The following EPC2 variants were observed in gnomAD, a reference collection of about 807,000 sequenced individuals.
EPC2 encodes enhancer of polycomb homolog 2.
Under a neutral mutation model 92.1 loss-of-function variants are expected in EPC2, and 14 were observed. That is an observed-to-expected ratio of 0.15 (90% CI 0.10 to 0.24). The LOEUF is 0.24. EPC2 is among the 10% of genes least tolerant of loss of function. The pLI is 1.00. For missense variants in EPC2, 755 were observed against 971.5 expected, an observed-to-expected ratio of 0.78 and a Z score of 2.96; for synonymous variants, 340 against 334.7, an observed-to-expected ratio of 1.02 and a Z score of -0.17.
chr2:148,680,392 A>G (rs1311571917), intron 1 of EPC2, among the ~76,000 whole-genome samples: 2 of 152,214 alleles, frequency 1.3e-5, no homozygotes, highest in African/African-American at 2.4e-5. Context: ...CAATAACAGG[A>G]TAATATCCGG....
intron 3 of EPC2, among the ~76,000 whole-genome samples, chr2:148,751,670 A>G (rs1447177613): frequency 6.6e-6 from 1 of 152,058 alleles, no homozygotes; most frequent in African/African-American, 2.4e-5. Context: ...TTTATACTGT[A>G]TAAAAATAGT....
Position 148,765,029 on chromosome 2 carries a change from T to C in EPC2, c.1023T>C (p.Pro341=), listed in dbSNP as rs1370788939. ...AAAAGAAGAAGTACCCAAAGAAGCC[T>C]AAAGCAGAGGCTTTGATAACATCTC... is the stretch of plus-strand genomic sequence containing the variant. The part of the protein sequence containing the change: ...VRQKKKYPKK[P]KAEALITSQQ... Residue 341 remains proline, a synonymous_variant, in exon 7 of 14, where the codon CCT becomes CCC. Transcript: ENST00000258484. 6.2e-7 allele frequency: 1 copy of C among 1,608,624 alleles called. No individual in the cohort carries two copies. The highest frequency in any genetic ancestry group is 1.7e-5 in the Admixed American group (1 of 59,500).
chr2:148,773,461 A>C (rs1558836670), intron 10 of EPC2, among the ~76,000 whole-genome samples: 1 of 152,094 alleles, frequency 6.6e-6, no homozygotes, highest in African/African-American at 2.4e-5. Context: ...TTCCCTTAAA[A>C]AATTTTAAGG....
At chr2:148,715,318 C>A (rs1383432586) in intron 2 of EPC2, among the ~76,000 whole-genome samples, 6 of 152,152 alleles carry the variant, frequency 3.9e-5, no homozygotes, top group Admixed American at 1.3e-4. Flanking sequence ...CAGGCGAGAG[C>A]CACTGCGCCC....
At chr2:148,784,152 C>T (rs1683813227) in intron 12 of EPC2, among the ~76,000 whole-genome samples, 2 of 152,220 alleles carry the variant, frequency 1.3e-5, no homozygotes, top group Non-Finnish European at 2.9e-5. Flanking sequence ...TTACATACTG[C>T]TCATAGGCAT....
chr2:148,732,253 C>T (rs78263383), intron 2 of EPC2, among the ~76,000 whole-genome samples: 5,822 of 152,202 alleles, frequency 0.038, 150 homozygotes, highest in Middle Eastern at 0.054. Context: ...GAGAGGTGCA[C>T]CCGCGGTCTT....
intron 2 of EPC2, among the ~76,000 whole-genome samples, chr2:148,739,607 A>T (rs1042148006): frequency 6.6e-6 from 1 of 152,144 alleles, no homozygotes; most frequent in African/African-American, 2.4e-5. Context: ...TGCTTTATAT[A>T]TTCAAACAGC....
chr2:148,763,863 T>G (rs1683353167), intron 6 of EPC2, among the ~76,000 whole-genome samples: 1 of 152,214 alleles, frequency 6.6e-6, no homozygotes, highest in Non-Finnish European at 1.5e-5. Flanking sequence ...ATGAAAATCT[T>G]AACCCAGAAT....
chr2:148,768,558 C>T (rs952177363), intron 7 of EPC2, among the ~76,000 whole-genome samples: 1 of 152,156 alleles, frequency 6.6e-6, no homozygotes, highest in African/African-American at 2.4e-5. Context: ...CTTACTTTAG[C>T]AAGTCATTTC....
In EPC2 at chr2:148,724,852, G is replaced by T. The variant is rs181515518; in HGVS notation, c.314-18770G>T. Among the ~76,000 whole-genome samples, 12 of 152,178 alleles carry T rather than the reference G, an allele frequency of 7.9e-5. 1 individual carries two copies. In the East Asian group the frequency reaches 2.3e-3, roughly 29 times the overall value. ...CTGACTATTGGAACCATTTCTGAAGGAGCTAGAATTATGATGTCAGATAGG... is the reference window on the plus strand; with the variant it reads ...CTGACTATTGGAACCATTTCTGAAGTAGCTAGAATTATGATGTCAGATAGG... On this transcript the variant is annotated intron_variant, in intron 2 of 13. Transcript: ENST00000258484.
intron 2 of EPC2, among the ~76,000 whole-genome samples, chr2:148,734,552 A>G: frequency 6.6e-6 from 1 of 152,156 alleles, no homozygotes. Context: ...GTCTTGATCT[A>G]CTAATAGGGT....
chr2:148,733,010 C>T (rs923673218), intron 2 of EPC2, among the ~76,000 whole-genome samples: 7 of 131,830 alleles, frequency 5.3e-5, no homozygotes, highest in Non-Finnish European at 9.4e-5. Context: ...GACCCAGACA[C>T]AAATTACTGG....
At chr2:148,770,461 A>G (rs1433955699) in intron 8 of EPC2, among the ~76,000 whole-genome samples, 6 of 152,314 alleles carry the variant, frequency 3.9e-5, no homozygotes, top group East Asian at 3.9e-4. Context: ...ACAAATTACT[A>G]TGTAATTTCA....
intron 1 of EPC2, among the ~76,000 whole-genome samples, chr2:148,667,458 T>A (rs1681076993): frequency 6.6e-6 from 1 of 152,250 alleles, no homozygotes; most frequent in African/African-American, 2.4e-5. Context: ...AGTAGATTTT[T>A]TTGTGTATAT....
intron 2 of EPC2, among the ~76,000 whole-genome samples, chr2:148,738,817 C>T (rs1682818807): frequency 6.6e-6 from 1 of 152,168 alleles, no homozygotes; most frequent in African/African-American, 2.4e-5. Context: ...AAAATTTCAG[C>T]TTTATTACTA....
At chr2:148,652,098 G>C (rs1680699193) in intron 1 of EPC2, among the ~76,000 whole-genome samples, 1 of 152,132 alleles carries the variant, frequency 6.6e-6, no homozygotes, top group Non-Finnish European at 1.5e-5. Context: ...TTGAGATAGA[G>C]AGCGTTATTG....
chr2:148,732,408 T>C (rs1278483694), intron 2 of EPC2, among the ~76,000 whole-genome samples: 1 of 147,620 alleles, frequency 6.8e-6, no homozygotes, highest in Non-Finnish European at 1.5e-5. Context: ...TGAGATGTAG[T>C]CTCATTCTGT....
At chr2:148,655,653 A>G (rs1680776739) in intron 1 of EPC2, among the ~76,000 whole-genome samples, 1 of 152,198 alleles carries the variant, frequency 6.6e-6, no homozygotes, top group African/African-American at 2.4e-5. Context: ...ATCCAAGTTC[A>G]TGGACCCCTT....
At chr2:148,756,388 G>A (rs1417728199) in intron 4 of EPC2, among the ~76,000 whole-genome samples, 1 of 152,166 alleles carries the variant, frequency 6.6e-6, no homozygotes, top group Non-Finnish European at 1.5e-5. Context: ...CTCAAATAAT[G>A]AATACTCCCT....
Sources: allele counts gnomAD v4.1 joint callset (sites outside exome capture counted in the v4.1 genomes callset), GRCh38; gene constraint gnomAD v4.1.1; transcripts MANE v1.5; gene names NCBI Gene and HGNC (gene_info 2026-07-23, HGNC 2026-07-21).